The following CAPN3 variants were observed in gnomAD, a reference collection of about 807,000 sequenced individuals.
CAPN3 encodes calpain 3, also known as calpain-3.
A neutral mutation model predicts 114.0 loss-of-function variants in CAPN3; 88 were observed. The observed-to-expected ratio is 0.77, with a 90% CI of 0.65 to 0.92. CAPN3 has a LOEUF of 0.92. Ranked by LOEUF, CAPN3 falls within the 40% of genes least tolerant of loss-of-function variation. The pLI, the probability that CAPN3 is intolerant of heterozygous loss-of-function variation, is 0.00. For missense variants in CAPN3, 1,028 were observed against 1,069.0 expected, an observed-to-expected ratio of 0.96 and a Z score of 0.53; for synonymous variants, 386 against 382.9, an observed-to-expected ratio of 1.01 and a Z score of -0.09.
At chr15:42,365,488 T>C (rs949294855) in intron 1 of CAPN3, among the ~76,000 whole-genome samples, 3 of 152,068 alleles carry the variant, frequency 2.0e-5, no homozygotes, top group African/African-American at 4.8e-5. Context: ...CTGTTGGGAG[T>C]TGGGGGAGCT....
chr15:42,403,063 T>A lies in CAPN3; in HGVS notation c.1745+61T>A, dbSNP rs1319470680. ...AAGCTCACATGGCCCACTCCAGAGG[T>A]TGAAGGCATGAGGCAGCTAGACACG... On this transcript the variant is annotated intron_variant, in intron 13 of 23. Coordinates refer to ENST00000397163, the MANE Select transcript of CAPN3 (RefSeq NM_000070.3). 2.1e-6 allele frequency: 3 copies of A among 1,437,270 alleles called. No individual in the cohort carries two copies. The African/African-American group carries it at 4.2e-5, about 20-fold the overall frequency. The allele number at this position is 1,437,270 out of a possible 1,614,324, so 89.0% of individuals were successfully genotyped here. A position where few individuals can be genotyped will look rare whatever the true frequency, so the allele number is the denominator to read the frequency against.
In CAPN3 at chr15:42,411,793, A is replaced by T; in HGVS notation, c.*20A>T. ...GCCTGAACCAGGCTGGCCTCATCCA[A>T]AGCCATGCAGGATCACTCAGGATTT... On this transcript the variant is annotated 3_prime_UTR_variant, in exon 24 of 24. Coordinates refer to ENST00000397163, the MANE Select transcript of CAPN3 (RefSeq NM_000070.3). The T allele has an allele frequency of 5.0e-6, 8 of 1,613,058 alleles. No individual in the cohort carries two copies. Among genetic ancestry groups the T allele is most frequent in the Non-Finnish European group, 6.8e-6 (8 of 1,179,698 alleles).
In CAPN3 at chr15:42,396,664, A is replaced by G; in HGVS notation, c.1116-136A>G. The G allele has an allele frequency of 7.1e-6, 5 of 708,004 alleles. No individual in the cohort carries two copies. The South Asian group carries it at 7.7e-5, about 11-fold the overall frequency. 43.9% of individuals were successfully genotyped at this position (708,004 alleles called of 1,614,324 possible). A position where few individuals can be genotyped will look rare whatever the true frequency, so the allele number is the denominator to read the frequency against. On this transcript the variant is annotated intron_variant, in intron 8 of 23. Transcript: ENST00000397163. ...GTCATTGCTATTGGGTTTCACACTGAGGTTAACAGGTGAAGTCAGCATTTT... is the reference window on the plus strand; with the variant it reads ...GTCATTGCTATTGGGTTTCACACTGGGGTTAACAGGTGAAGTCAGCATTTT...
At position 42,409,958 on chromosome 15, in the gene CAPN3, C is replaced by T. The variant is rs745965787; in HGVS notation, c.2078C>T (p.Thr693Ile). The part of the protein sequence containing the change: ...KHKDLKTHGF[T>I]LESCRSMIAL... ...AAGGACCTGAAGACACACGGGTTCACACTGGAGTCCTGCCGTAGCATGATT... is the reference window on the plus strand; with the variant it reads ...AAGGACCTGAAGACACACGGGTTCATACTGGAGTCCTGCCGTAGCATGATT... The change falls in exon 19 of 24, where the codon ACA becomes ATA. Residue 693 changes from threonine to isoleucine, a missense_variant. Physicochemically the swap from Thr to Ile is moderately conservative, Grantham distance 89. Transcript: ENST00000397163. 21 of 1,612,346 alleles carry T rather than the reference C, an allele frequency of 1.3e-5. No individual in the cohort carries two copies. The highest frequency in any genetic ancestry group is 1.8e-5 in the Non-Finnish European group (21 of 1,179,906).
chr15:42,401,322 G>T (rs1595836435), intron 10 of CAPN3, among the ~76,000 whole-genome samples: 1 of 152,034 alleles, frequency 6.6e-6, no homozygotes, highest in East Asian at 1.9e-4. Context: ...GGTGAGAGGA[G>T]AAGAGGCCCA....
intron 1 of CAPN3, among the ~76,000 whole-genome samples, chr15:42,369,339 T>C (rs1027103464): frequency 2.0e-5 from 3 of 152,088 alleles, no homozygotes; most frequent in Non-Finnish European, 4.4e-5. Flanking sequence ...AGGGGCACTT[T>C]AAAATGGTGG....
chr15:42,396,238 C>T (rs1377683549), intron 8 of CAPN3, among the ~76,000 whole-genome samples: 4 of 149,762 alleles, frequency 2.7e-5, no homozygotes, highest in Non-Finnish European at 5.9e-5. Context: ...ATGTCCAGAA[C>T]CCATTTTTTT....
intron 16 of CAPN3, 131 bp downstream of exon 16, chr15:42,408,455 T>G (rs896564316): frequency 4.4e-6 from 3 of 679,826 alleles, no homozygotes; most frequent in African/African-American, 3.6e-5. Context: ...TTTGTCCCAC[T>G]GACCTTTTCT....
chr15:42,362,249 A>G (rs371222672), intron 1 of CAPN3, among the ~76,000 whole-genome samples: 4 of 152,368 alleles, frequency 2.6e-5, no homozygotes, highest in African/African-American at 9.6e-5. Context: ...CCCTATCTCT[A>G]TAAAAAAAGT....
At chr15:42,409,741 G>C (rs1477498073) in intron 17 of CAPN3, 46 bp from the exon 18 acceptor site, 1 of 1,550,618 alleles carries the variant, frequency 6.4e-7, no homozygotes, top group Non-Finnish European at 8.9e-7. Context: ...CGCGCCAGGA[G>C]CTGCTGTACT....
intron 7 of CAPN3, 40 bp downstream of exon 7, chr15:42,392,762 T>C: frequency 6.5e-7 from 1 of 1,534,750 alleles, no homozygotes; most frequent in Non-Finnish European, 9.0e-7. Context: ...GGCACCCTCC[T>C]GGGTTAACCT....
intron 18 of CAPN3, 39 bp downstream of exon 18, chr15:42,409,883 G>GCGCCCCCCCCCCC: frequency 1.8e-6 from 1 of 559,658 alleles, no homozygotes; most frequent in Non-Finnish European, 3.5e-6. Flanking sequence ...GGTGGGTGGG[G>GCGCCCCCCCCCCC]AGTCCCGTTG....
At chr15:42,399,354 A>T in intron 9 of CAPN3, 138 bp from the exon 10 acceptor site, 1 of 702,368 alleles carries the variant, frequency 1.4e-6, no homozygotes, top group Non-Finnish European at 2.6e-6. Context: ...CCTAAAAAGG[A>T]AAGACAGGCT....
At position 42,390,064 on chromosome 15, in the gene CAPN3, G is replaced by A. The variant is rs753780627; in HGVS notation, c.913G>A (p.Asp305Asn). Residue 305 changes from aspartate (D) to asparagine (N), a missense_variant, in exon 6 of 24, where the codon GAC becomes AAC. By Grantham distance (23) the Asp-to-Asn change is conservative. Transcript: ENST00000397163. ...CTCACTGCTCCAGGACTCAGACCTC[G>A]ACCCCAGAGGCTCAGATGAAAGACC... ...DNSLLQDSDL[D>N]PRGSDERPTR... 1.4e-5 allele frequency: 23 copies of A among 1,613,926 alleles called. No homozygotes were observed. The highest frequency in any genetic ancestry group is 3.3e-5 in the South Asian group (3 of 91,066).
chr15:42,404,032 T>G, intron 14 of CAPN3: 1 of 595,188 alleles, frequency 1.7e-6, no homozygotes, highest in South Asian at 1.5e-5. Context: ...AGAAGCAATT[T>G]GAACAATCGG....
chr15:42,360,823 G>T (rs183845501), intron 1 of CAPN3, among the ~76,000 whole-genome samples: 4 of 152,232 alleles, frequency 2.6e-5, no homozygotes, highest in East Asian at 1.9e-4. Flanking sequence ...TACAGTGATC[G>T]CCAGGAGGGA....
In CAPN3 at chr15:42,410,473, T is replaced by C. The variant is rs1412254564; in HGVS notation, c.2161T>C (p.Trp721Arg). Residue 721 changes from tryptophan to arginine, a missense_variant, in exon 20 of 24, where the codon TGG (tryptophan) becomes CGG (arginine). Trp to Arg is a moderately radical substitution (Grantham distance 101, BLOSUM62 -3). Transcript: ENST00000397163. Reference protein sequence around the residue: ...KLNLQEFHHLWNKIKAWQKIF... With the variant: ...KLNLQEFHHLRNKIKAWQKIF... ...CAACCTGCAGGAGTTCCACCACCTCTGGAACAAGATTAAGGCCTGGCAGGT... is the reference window on the plus strand; with the variant it reads ...CAACCTGCAGGAGTTCCACCACCTCCGGAACAAGATTAAGGCCTGGCAGGT... 7 of 1,613,952 alleles carry C rather than the reference T, an allele frequency of 4.3e-6. No homozygotes were observed. In the South Asian group the frequency reaches 5.5e-5, roughly 13 times the overall value.
intron 1 of CAPN3, among the ~76,000 whole-genome samples, chr15:42,370,773 G>A (rs1255414035): frequency 6.6e-6 from 1 of 152,202 alleles, no homozygotes. Flanking sequence ...TCATAGGGCT[G>A]TTTTGAGTGG....
intron 6 of CAPN3, among the ~76,000 whole-genome samples, chr15:42,391,219 CT>C (rs1271334009): frequency 3.3e-5 from 5 of 152,070 alleles, no homozygotes; most frequent in South Asian, 2.1e-4. Flanking sequence ...AAGTTGAGTT[CT>C]TTTTTTTCTT....
Sources: gnomAD v4.1 joint callset for allele counts (sites outside exome capture counted in the v4.1 genomes callset) on GRCh38, gnomAD v4.1.1 for gene constraint, MANE v1.5 for transcripts, NCBI Gene and HGNC (gene_info 2026-07-23, HGNC 2026-07-21) for gene names.